The following TTLL3 variants were observed in gnomAD, a reference collection of about 807,000 sequenced individuals.
TTLL3 encodes the protein tubulin monoglycylase TTLL3.
A neutral mutation model predicts 75.2 loss-of-function variants in TTLL3; 63 were observed. That is an observed-to-expected ratio of 0.84 (90% CI 0.68 to 1.03). The LOEUF is 1.03. Ranked by LOEUF, TTLL3 falls within the 50% of genes least tolerant of loss-of-function variation. The pLI is 0.00. For missense variants in TTLL3, 997 were observed against 1,069.9 expected (o/e 0.93, Z 0.95); for synonymous variants, 393 against 418.5 (o/e 0.94, Z 0.74).
At chr3:9,819,037 A>AT (rs1434408821) in intron 7 of TTLL3, 117 bp downstream of exon 7, 1 of 1,338,098 alleles carries the variant, frequency 7.5e-7, no homozygotes, top group Non-Finnish European at 1.0e-6. Flanking sequence ...TCATCCACAC[A>AT]TCTGTGTATG....
chr3:9,821,204 C>T lies in TTLL3; in HGVS notation c.854+463C>T, dbSNP rs77256262. Reference sequence around the variant, plus strand: ...GCCCAGTGCCCTGCCTCCCACCAAGCATCCTGAGGGGCAGTGTTTTCTGAA... The same window carrying T: ...GCCCAGTGCCCTGCCTCCCACCAAGTATCCTGAGGGGCAGTGTTTTCTGAA... On this transcript the variant is annotated intron_variant, in intron 8 of 13. Coordinates refer to ENST00000685419, the MANE Select transcript of TTLL3 (RefSeq NM_001387446.1). Among the ~76,000 whole-genome samples the T allele has an allele frequency of 2.1e-3, 314 of 152,250 alleles. 8 individuals carry two copies. The highest frequency in any genetic ancestry group is 0.013 in the East Asian group (69 of 5,186).
Position 9,827,243 on chromosome 3 carries a change from G to T in TTLL3, c.1247+3G>T, listed in dbSNP as rs747005259. 14 of 1,613,366 alleles carry T rather than the reference G, an allele frequency of 8.7e-6. No individual in the cohort carries two copies. The South Asian group carries it at 1.4e-4, about 16-fold the overall frequency. On this transcript the variant is annotated splice_donor_region_variant and intron_variant, in intron 10 of 13. Transcript: ENST00000685419. ...TTCTCCCTGAAGAACCTGGACAAGTGAGCCCCTCTGCTCGCCTCCCACGAG... is the reference window on the plus strand; with the variant it reads ...TTCTCCCTGAAGAACCTGGACAAGTTAGCCCCTCTGCTCGCCTCCCACGAG...
chr3:9,813,162 T>C, intron 3 of TTLL3, 51 bp downstream of exon 3: 1 of 1,603,528 alleles, frequency 6.2e-7, no homozygotes. Context: ...TCCTTTTCCT[T>C]TGGTTCCCAC....
intron 8 of TTLL3, 158 bp from the exon 9 acceptor site, chr3:9,825,642 G>A (rs1306027702): frequency 2.2e-5 from 30 of 1,352,626 alleles, no homozygotes; most frequent in Non-Finnish European, 3.0e-5. Flanking sequence ...CTTGAAGGTG[G>A]GGCCGGAGGC....
In TTLL3 at chr3:9,829,370, G is replaced by C. The variant is rs777398004; in HGVS notation, c.1658G>C (p.Gly553Ala). 11 of 1,602,064 alleles carry C rather than the reference G, an allele frequency of 6.9e-6. No individual in the cohort carries two copies. The East Asian group carries it at 2.2e-4, about 33-fold the overall frequency. Reference sequence around the variant, plus strand: ...ATGCTGGACCGCAACTGTGACACAGGAGCCTTTGAGCTCATCTATAAGCAG... The same window carrying C: ...ATGCTGGACCGCAACTGTGACACAGCAGCCTTTGAGCTCATCTATAAGCAG... The part of the protein sequence containing the change: ...DRMLDRNCDT[G>A]AFELIYKQPA... The change falls in exon 11 of 14, where the codon GGA becomes GCA. Residue 553 changes from glycine (G) to alanine (A), a missense_variant. Physicochemically the swap from Gly to Ala is moderately conservative, Grantham distance 60. Transcript: ENST00000685419.
intron 10 of TTLL3, chr3:9,828,663 C>T: frequency 2.3e-6 from 1 of 436,952 alleles, no homozygotes; most frequent in Non-Finnish European, 4.2e-6. Context: ...CCCTTACCCA[C>T]CCTCTTATCT....
chr3:9,825,727 T>C, intron 8 of TTLL3, 73 bp from the exon 9 acceptor site: 1 of 1,612,840 alleles, frequency 6.2e-7, no homozygotes, highest in Non-Finnish European at 8.5e-7. Context: ...GATGGTGGAA[T>C]ATATCTCCCC....
intron 10 of TTLL3, chr3:9,828,669 T>C: frequency 2.2e-6 from 1 of 449,090 alleles, no homozygotes; most frequent in Non-Finnish European, 4.1e-6. Flanking sequence ...CCCACCCTCT[T>C]ATCTTCCAGA....
rs969960227 is a variant in TTLL3 at position 9,826,087 on chromosome 3, G to A, written c.1003+139G>A. Reference sequence around the variant, plus strand: ...CCTAGCTCTGCTACTAATGTGCTTCGTGACCTTGAGCAGGTTTTAGCGCCT... The same window carrying A: ...CCTAGCTCTGCTACTAATGTGCTTCATGACCTTGAGCAGGTTTTAGCGCCT... On this transcript the variant is annotated intron_variant, in intron 9 of 13. Coordinates refer to ENST00000685419, the MANE Select transcript of TTLL3 (RefSeq NM_001387446.1). 3.7e-5 allele frequency: 52 copies of A among 1,387,552 alleles called. No homozygotes were observed. In the Middle Eastern group the frequency reaches 5.6e-4, roughly 15 times the overall value. The allele number at this position is 1,387,552 out of a possible 1,614,324, so 86.0% of individuals were successfully genotyped here.
At chr3:9,809,918 C>G, upstream of TTLL3, 1 of 1,045,652 alleles carries the variant, frequency 9.6e-7, no homozygotes. Flanking sequence ...AAGGCTCGAG[C>G]CTAGGCAGGA....
At chr3:9,823,616 G>A (rs921154606) in intron 8 of TTLL3, among the ~76,000 whole-genome samples, 9 of 151,996 alleles carry the variant, frequency 5.9e-5, no homozygotes, top group African/African-American at 1.9e-4. Flanking sequence ...TTCATGCTAC[G>A]GACCACAGAA....
At chr3:9,830,805 A>C (rs936086613) in intron 11 of TTLL3, among the ~76,000 whole-genome samples, 6 of 151,986 alleles carry the variant, frequency 3.9e-5, no homozygotes, top group African/African-American at 1.4e-4. Context: ...ATGCCCCCCA[A>C]ATATCTTTTT....
At chr3:9,834,518 A>T in intron 12 of TTLL3, 163 bp from the exon 13 acceptor site, 1 of 1,147,864 alleles carries the variant, frequency 8.7e-7, no homozygotes, top group Non-Finnish European at 1.3e-6. Flanking sequence ...GTTGGACTCT[A>T]CCCTGTTTTC....
chr3:9,825,813 C>T lies in TTLL3; in HGVS notation c.868C>T (p.Leu290Phe), dbSNP rs371686351. 60 of 1,614,060 alleles carry T rather than the reference C, an allele frequency of 3.7e-5. No homozygotes were observed. Among genetic ancestry groups the T allele is most frequent in the Non-Finnish European group, 5.0e-5 (59 of 1,180,032 alleles). The change falls in exon 9 of 14, where the codon CTC becomes TTC. Residue 290 changes from leucine to phenylalanine, a missense_variant. Transcript: ENST00000685419. ...YYQVVHEGAE[L>F]RHLDTQVQRC... ...ATTTCCCCACAGCGAAGGGGCAGAA[C>T]TCAGGCACCTCGACACTCAGGTCCA...
Position 9,827,145 on chromosome 3 carries a change from C to A in TTLL3, c.1152C>A (p.Phe384Leu). 6.2e-7 allele frequency: 1 copy of A among 1,614,238 alleles called. No homozygotes were observed. The highest frequency in any genetic ancestry group is 8.5e-7 in the Non-Finnish European group (1 of 1,180,038). Residue 384 changes from phenylalanine (F) to leucine (L), a missense_variant, in exon 10 of 14, where the codon TTC becomes TTA. Physicochemically the swap from Phe to Leu is conservative, Grantham distance 22. Transcript: ENST00000685419. ...FGTKFDLRQWFLVTDWNPLTV... is the reference protein window; with the variant it reads ...FGTKFDLRQWLLVTDWNPLTV... ...CCAAGTTTGACCTCAGACAGTGGTT[C>A]CTGGTAACTGACTGGAACCCACTTA...
At chr3:9,819,625 G>T in intron 7 of TTLL3, 3 of 985,574 alleles carry the variant, frequency 3.0e-6, no homozygotes, top group East Asian at 1.1e-4. Flanking sequence ...TCACTATCAT[G>T]CATGCCAACC....
intron 2 of TTLL3, among the ~76,000 whole-genome samples, chr3:9,811,011 C>A (rs1327348624): frequency 6.6e-6 from 1 of 151,980 alleles, no homozygotes; most frequent in African/African-American, 2.4e-5. Context: ...CTGTATCTTT[C>A]GACACCGCTG....
At chr3:9,817,954 T>G (rs2080045580) in intron 6 of TTLL3, 195 bp downstream of exon 6, 1 of 697,310 alleles carries the variant, frequency 1.4e-6, no homozygotes, top group Non-Finnish European at 2.3e-6. Flanking sequence ...TGGTCAACTC[T>G]GACCTCCAGA....
chr3:9,816,345 C>A, intron 5 of TTLL3, 143 bp downstream of exon 5: 1 of 835,214 alleles, frequency 1.2e-6, no homozygotes. Flanking sequence ...GGAGTCTGAC[C>A]AGTATCTGGC....
Sources: allele counts gnomAD v4.1 joint callset (sites outside exome capture counted in the v4.1 genomes callset), GRCh38; gene constraint gnomAD v4.1.1; transcripts MANE v1.5; gene names NCBI Gene and HGNC (gene_info 2026-07-23, HGNC 2026-07-21).